The following RBFOX3 variants were observed in gnomAD, a reference collection of about 807,000 sequenced individuals.
The protein encoded by RBFOX3 is RNA binding fox-1 homolog 3, also known as RNA binding protein fox-1 homolog 3.
In RBFOX3, 17 loss-of-function variants were observed where a neutral mutation model predicts 48.7. The observed-to-expected ratio is 0.35, with a 90% CI of 0.24 to 0.52. The LOEUF (loss-of-function observed/expected upper bound fraction) is 0.52. Among genes scored for constraint, RBFOX3 ranks in the 20% least tolerant of loss-of-function variants. RBFOX3 has a pLI of 0.94. For missense variants in RBFOX3, 382 were observed against 497.5 expected, an observed-to-expected ratio of 0.77 and a Z score of 2.21; for synonymous variants, 212 against 209.5, an observed-to-expected ratio of 1.01 and a Z score of -0.10.
intron 4 of RBFOX3, among the ~76,000 whole-genome samples, chr17:79,173,117 C>T (rs1268163468): frequency 6.6e-6 from 1 of 151,968 alleles, no homozygotes; most frequent in African/African-American, 2.4e-5. Flanking sequence ...GGCTGAGGCA[C>T]GAGAATCGCT....
At chr17:79,629,403 T>C in the RBFOX3 span, among the ~76,000 whole-genome samples, 44,533 of 151,962 alleles carry the variant, frequency 0.29, 6,889 homozygotes, top group Non-Finnish European at 0.33. Context: ...CAGTGTCGAA[T>C]CCCACCAGTC....
chr17:79,611,169 T>TCGCTCTCG (rs1359138866), upstream of RBFOX3, among the ~76,000 whole-genome samples: 7 of 25,924 alleles, frequency 2.7e-4, 3 homozygotes, highest in Admixed American at 9.2e-4. Flanking sequence ...TCTCTCTCTC[T>TCGCTCTCG]CTCTCCGCCC....
intron 3 of RBFOX3, among the ~76,000 whole-genome samples, chr17:79,261,377 T>C (rs952286953): frequency 7.2e-5 from 11 of 152,190 alleles, no homozygotes; most frequent in Non-Finnish European, 1.0e-4. Flanking sequence ...CTTTTTCCTT[T>C]CCTTTTTCTC....
At chr17:79,485,055 G>A in intron 1 of RBFOX3, among the ~76,000 whole-genome samples, 1 of 149,770 alleles carries the variant, frequency 6.7e-6, no homozygotes, top group Non-Finnish European at 1.5e-5. Context: ...GGAGGCAGGT[G>A]GTCCAGGGAG....
At position 79,181,287 on chromosome 17, in the gene RBFOX3, C is replaced by T. The variant is rs540096940; in HGVS notation, c.-34+54479G>A. On this transcript the variant is annotated intron_variant, in intron 4 of 14. Coordinates refer to ENST00000693108, the MANE Select transcript of RBFOX3 (RefSeq NM_001350451.2). ...CAGAAACCCAGAGCTACGCTTCCTG[C>T]TGCCTGGGACATTCCTGCCATGCCT... Among the ~76,000 whole-genome samples, 54 of 152,360 alleles carry T rather than the reference C, an allele frequency of 3.5e-4. 1 individual carries two copies. Among genetic ancestry groups the T allele is most frequent in the African/African-American group, 1.2e-3 (50 of 41,584 alleles).
chr17:79,270,078 C>T (rs1341122200), intron 3 of RBFOX3, among the ~76,000 whole-genome samples: 3 of 152,156 alleles, frequency 2.0e-5, no homozygotes, highest in African/African-American at 4.8e-5. Flanking sequence ...GCCACCCTCT[C>T]GCTGGTCTTC....
intron 1 of RBFOX3, among the ~76,000 whole-genome samples, chr17:79,523,903 A>T (rs1173239059): frequency 1.3e-5 from 2 of 152,176 alleles, no homozygotes; most frequent in African/African-American, 4.8e-5. Flanking sequence ...CACACCGTGT[A>T]TCTCAGTCTC....
intron 3 of RBFOX3, among the ~76,000 whole-genome samples, chr17:79,246,491 G>A (rs942714464): frequency 4.6e-5 from 7 of 152,220 alleles, no homozygotes; most frequent in East Asian, 1.9e-4. Context: ...TGCTCTCTCC[G>A]GAGCTGGCGC....
intron 2 of RBFOX3, among the ~76,000 whole-genome samples, chr17:79,382,930 T>C (rs2060101843): frequency 6.6e-6 from 1 of 152,098 alleles, no homozygotes; most frequent in Non-Finnish European, 1.5e-5. Context: ...CTAACTTGAA[T>C]GGCTGGTTTA....
intron 2 of RBFOX3, among the ~76,000 whole-genome samples, chr17:79,338,479 T>A (rs2081545400): frequency 6.6e-6 from 1 of 151,936 alleles, no homozygotes; most frequent in African/African-American, 2.4e-5. Context: ...ATGGGAAGAG[T>A]CCCTGTGAAA....
chr17:79,659,269 A>G, the RBFOX3 span, among the ~76,000 whole-genome samples: 20 of 152,196 alleles, frequency 1.3e-4, no homozygotes, highest in Admixed American at 3.3e-4. Context: ...AAGAAATAGA[A>G]TTTGGTGAAC....
At chr17:79,463,680 TTGC>T (rs2075879807) in intron 2 of RBFOX3, among the ~76,000 whole-genome samples, 2 of 21,984 alleles carry the variant, frequency 9.1e-5, no homozygotes, top group South Asian at 1.8e-3. Flanking sequence ...TCCACTGCCA[TTGC>T]CACTGCCACT....
the RBFOX3 span, among the ~76,000 whole-genome samples, chr17:79,636,235 C>T: frequency 6.4e-4 from 97 of 152,058 alleles, no homozygotes; most frequent in African/African-American, 2.3e-3. Context: ...AAACAGTACA[C>T]ATAAAATTCC....
At chr17:79,533,814 C>T (rs910562271) in intron 1 of RBFOX3, among the ~76,000 whole-genome samples, 12 of 152,218 alleles carry the variant, frequency 7.9e-5, no homozygotes, top group African/African-American at 2.2e-4. Context: ...AATTTAGAAA[C>T]TACACATATG....
chr17:79,402,355 A>G (rs2062917081), intron 2 of RBFOX3, among the ~76,000 whole-genome samples: 1 of 152,246 alleles, frequency 6.6e-6, no homozygotes, highest in African/African-American at 2.4e-5. Flanking sequence ...GCTTTCTGAC[A>G]GCAGGTGCAA....
At position 79,252,422 on chromosome 17, in the gene RBFOX3, A is replaced by T. The variant is rs904534281; in HGVS notation, c.-73-16617T>A. Among the ~76,000 whole-genome samples, 4 of 152,122 alleles carry T rather than the reference A, an allele frequency of 2.6e-5. No individual in the cohort carries two copies. Among genetic ancestry groups the T allele is most frequent in the African/African-American group, 9.7e-5 (4 of 41,430 alleles). ...GGATCTATCACCCGTCCAAGTGAGC[A>T]AGTCAGCTGGGGTCCACTCTGACCC... On this transcript the variant is annotated intron_variant, in intron 3 of 14. Transcript: ENST00000693108. The surrounding 1 kb of genome is among the most constrained non-coding windows in gnomAD (Gnocchi z 4.0).
intron 1 of RBFOX3, among the ~76,000 whole-genome samples, chr17:79,584,937 T>C (rs1440695432): frequency 6.6e-6 from 1 of 152,008 alleles, no homozygotes; most frequent in African/African-American, 2.4e-5. Context: ...AGCTACTTTT[T>C]TGTATTTTTA....
At chr17:79,636,365 G>A in the RBFOX3 span, among the ~76,000 whole-genome samples, 11 of 152,064 alleles carry the variant, frequency 7.2e-5, no homozygotes, top group Admixed American at 5.9e-4. Context: ...GCTGGGCCAT[G>A]GGAATAAAGG....
chr17:79,248,703 C>T (rs1414094689), intron 3 of RBFOX3, among the ~76,000 whole-genome samples: 2 of 152,196 alleles, frequency 1.3e-5, no homozygotes, highest in African/African-American at 4.8e-5. Context: ...CACCCCACAA[C>T]CCTATCGGGG....
Sources: gnomAD v4.1 joint callset for allele counts (sites outside exome capture counted in the v4.1 genomes callset) on GRCh38, gnomAD v4.1.1 for gene constraint, Gnocchi (gnomAD v3.1) non-coding constraint, MANE v1.5 for transcripts, NCBI Gene and HGNC (gene_info 2026-07-23, HGNC 2026-07-21) for gene names.